Variants in TMPRSS11F observed in about 807,000 individuals in gnomAD.
The protein encoded by TMPRSS11F is transmembrane serine protease 11F.
TMPRSS11F carries 47 observed loss-of-function variants against 60.2 expected under a neutral mutation model. The ratio of observed to expected loss-of-function variants is 0.78; its 90% confidence interval spans 0.62 to 1.00. The LOEUF (loss-of-function observed/expected upper bound fraction) is 1.00, where lower values mean the gene tolerates loss of function less well. Ranked by LOEUF, TMPRSS11F falls within the 50% of genes least tolerant of loss-of-function variation. TMPRSS11F has a pLI of 0.00. For synonymous variants in TMPRSS11F, 166 were observed against 167.3 expected, an observed-to-expected ratio of 0.99 and a Z score of 0.06; for missense variants, 519 against 522.9, an observed-to-expected ratio of 0.99 and a Z score of 0.07.
chr4:68,082,404 TC>T (rs961141744), intron 3 of TMPRSS11F, among the ~76,000 whole-genome samples: 61 of 152,274 alleles, frequency 4.0e-4, no homozygotes, highest in African/African-American at 1.3e-3. Flanking sequence ...TCCAAGGCTC[TC>T]CCCCTTCCTC....
At chr4:68,080,198 G>A (rs973122783) in intron 3 of TMPRSS11F, 1 of 152,192 alleles carries the variant, frequency 6.6e-6, no homozygotes, top group Non-Finnish European at 1.5e-5. Flanking sequence ...CACTTACAGA[G>A]CCACAGAAGG....
chr4:68,085,806 G>A (rs1434343321), intron 3 of TMPRSS11F, among the ~76,000 whole-genome samples: 1 of 152,074 alleles, frequency 6.6e-6, no homozygotes, highest in African/African-American at 2.4e-5. Context: ...AATGATAAAA[G>A]GATCAATTCA....
chr4:68,053,977 TG>T lies in TMPRSS11F; in HGVS notation c.1248del (p.Lys418AsnfsTer8). The T allele has an allele frequency of 6.2e-7, 1 of 1,613,378 alleles. No individual in the cohort carries two copies. The highest frequency in any genetic ancestry group is 8.5e-7 in the Non-Finnish European group (1 of 1,179,620). ...IVSWGQSCAL[P>X]KKPGVYTRVT... is the part of the protein sequence containing the mutation. ...ACTCTGGTGTAGACTCCAGGTTTTTTGGGAAGTGCACATGATTGTCCCCAAC... is the reference window on the plus strand; with the variant it reads ...ACTCTGGTGTAGACTCCAGGTTTTTTGGAAGTGCACATGATTGTCCCCAAC... On this transcript the variant is annotated frameshift_variant, in exon 10 of 10. Transcript: ENST00000356291. LOFTEE classifies it high-confidence loss of function.
intron 1 of TMPRSS11F, among the ~76,000 whole-genome samples, chr4:68,108,872 A>T (rs1467147205): frequency 1.3e-5 from 2 of 152,136 alleles, no homozygotes; most frequent in Non-Finnish European, 2.9e-5. Context: ...GATTTGAAGG[A>T]TTCCTTTTTT....
chr4:68,101,678 C>A (rs1399834296), intron 1 of TMPRSS11F, among the ~76,000 whole-genome samples: 4 of 152,036 alleles, frequency 2.6e-5, no homozygotes, highest in Non-Finnish European at 5.9e-5. Flanking sequence ...CTAAATGGAA[C>A]CTTTCAACAG....
intron 3 of TMPRSS11F, among the ~76,000 whole-genome samples, chr4:68,088,245 A>C (rs1723855974): frequency 6.6e-6 from 1 of 151,812 alleles, no homozygotes; most frequent in Non-Finnish European, 1.5e-5. Flanking sequence ...TTGCAATCCT[A>C]GTCTCTGATA....
At chr4:68,110,308 C>G (rs1308474499) in intron 1 of TMPRSS11F, among the ~76,000 whole-genome samples, 1 of 152,120 alleles carries the variant, frequency 6.6e-6, no homozygotes, top group Admixed American at 6.6e-5. Context: ...ATTTTAAATG[C>G]TATTTTAGAT....
intron 3 of TMPRSS11F, among the ~76,000 whole-genome samples, chr4:68,076,395 C>A (rs1352062933): frequency 6.6e-6 from 1 of 152,210 alleles, no homozygotes; most frequent in East Asian, 1.9e-4. Flanking sequence ...AAAACATCCC[C>A]AACAGAGGGC....
At chr4:68,121,664 C>T (rs1235437067) in intron 1 of TMPRSS11F, among the ~76,000 whole-genome samples, 1 of 152,114 alleles carries the variant, frequency 6.6e-6, no homozygotes, top group Non-Finnish European at 1.5e-5. Flanking sequence ...CTTCACTTAG[C>T]TTCCTGTATG....
In TMPRSS11F at chr4:68,068,752, G is replaced by T; in HGVS notation, c.621C>A (p.Val207=). 1 of 1,614,204 alleles carries T rather than the reference G, an allele frequency of 6.2e-7. No homozygotes were observed. The highest frequency in any genetic ancestry group is 1.3e-5 in the African/African-American group (1 of 75,042). ...CTTCCATAGCTGTTTCCCTTCCTTG[G>T]ACAATTCTTTGAGTAGAAGAGGATG... The part of the protein sequence containing the change: ...LPASSSTQRI[V]QGRETAMEGE... Residue 207 remains valine, a synonymous_variant, in exon 7 of 10, where the codon GTC becomes GTA. Transcript: ENST00000356291.
At chr4:68,097,327 T>C (rs760599791) in intron 2 of TMPRSS11F, among the ~76,000 whole-genome samples, 46 of 152,210 alleles carry the variant, frequency 3.0e-4, no homozygotes, top group Non-Finnish European at 1.3e-4. Flanking sequence ...TTCTAGACGC[T>C]GTAAGGCGAG....
chr4:68,086,724 T>C (rs1232058822), intron 3 of TMPRSS11F, among the ~76,000 whole-genome samples: 1 of 151,964 alleles, frequency 6.6e-6, no homozygotes, highest in East Asian at 1.9e-4. Context: ...CCCACAGAAA[T>C]ACTCAGTCTA....
intron 3 of TMPRSS11F, chr4:68,077,510 A>G (rs1723610200): frequency 6.6e-6 from 1 of 152,240 alleles, no homozygotes; most frequent in Admixed American, 6.5e-5. Context: ...ATCATCACAT[A>G]AATTTGGGCC....
chr4:68,101,298 G>A (rs574891537), intron 1 of TMPRSS11F, among the ~76,000 whole-genome samples: 8 of 152,192 alleles, frequency 5.3e-5, no homozygotes, highest in Middle Eastern at 6.8e-3. Flanking sequence ...GTAGCTGGCA[G>A]GTACAGTATG....
intron 3 of TMPRSS11F, among the ~76,000 whole-genome samples, chr4:68,084,840 C>T (rs1373274512): frequency 7.0e-6 from 1 of 143,372 alleles, no homozygotes; most frequent in South Asian, 2.3e-4. Context: ...CCCACTAACT[C>T]GTCATCTAGC....
intron 3 of TMPRSS11F, among the ~76,000 whole-genome samples, chr4:68,075,757 G>C (rs1018040379): frequency 6.6e-6 from 1 of 152,118 alleles, no homozygotes; most frequent in African/African-American, 2.4e-5. Context: ...CACTCTGGGA[G>C]GCCAAGGCGG....
intron 7 of TMPRSS11F, among the ~76,000 whole-genome samples, chr4:68,068,205 T>C (rs1723369719): frequency 6.6e-6 from 1 of 152,210 alleles, no homozygotes. Flanking sequence ...ATACCTATGA[T>C]TCTTTTCTTA....
Position 68,069,951 on chromosome 4 carries a change from G to T in TMPRSS11F, c.553+18C>A. 1 of 1,583,076 alleles carries T rather than the reference G, an allele frequency of 6.3e-7. No homozygotes were observed. Among genetic ancestry groups the T allele is most frequent in the Non-Finnish European group, 8.6e-7 (1 of 1,162,818 alleles). ...TTTACTGTGAAATAAACAGTTAATT[G>T]TGGGTTTTGGAACTTACGACTGTTG... On this transcript the variant is annotated intron_variant, in intron 6 of 9. Coordinates refer to ENST00000356291, the MANE Select transcript of TMPRSS11F (RefSeq NM_207407.2).
chr4:68,106,156 C>T (rs1320548076), intron 1 of TMPRSS11F, among the ~76,000 whole-genome samples: 1 of 151,942 alleles, frequency 6.6e-6, no homozygotes, highest in African/African-American at 2.4e-5. Context: ...GTACCTAAAG[C>T]CTTTTGGTAA....
Sources: gnomAD v4.1 joint callset for allele counts (sites outside exome capture counted in the v4.1 genomes callset) on GRCh38, gnomAD v4.1.1 for gene constraint, MANE v1.5 for transcripts, NCBI Gene and HGNC (gene_info 2026-07-23, HGNC 2026-07-21) for gene names.